KRTAP2-4: variants seen among roughly 807,000 people sequenced by gnomAD.
KRTAP2-4 encodes keratin-associated protein 2-4.
KRTAP2-4 carries 7 observed loss-of-function variants against 11.5 expected under a neutral mutation model. The ratio of observed to expected loss-of-function variants is 0.61; its 90% confidence interval spans 0.35 to 1.15. The LOEUF is 1.15. KRTAP2-4 is among the 50% of genes most tolerant of loss of function. KRTAP2-4 has a pLI of 0.03. For synonymous variants in KRTAP2-4, 49 were observed against 77.9 expected (o/e 0.63, Z 1.96); for missense variants, 93 against 183.2 (o/e 0.51, Z 2.84).
chr17:41,065,174 GAC>G lies in KRTAP2-4; in HGVS notation c.*283_*284del, dbSNP rs1277110571. The G allele has an allele frequency of 7.1e-6, 4 of 563,866 alleles. No homozygotes were observed. The highest frequency in any genetic ancestry group is 1.2e-5 in the Non-Finnish European group (4 of 330,634). 34.9% of individuals were successfully genotyped at this position (563,866 alleles called of 1,614,324 possible). On this transcript the variant is annotated 3_prime_UTR_variant, in exon 1 of 1. Coordinates refer to ENST00000394015, the MANE Select transcript of KRTAP2-4 (RefSeq NM_033184.4). ...GCAACACATTGCAAAAGATGATGGT[GAC>G]AGTTTGAGCAGTAAAAACCATCAGG...
chr17:41,065,260 A>T lies in KRTAP2-4; in HGVS notation c.*199T>A. 2.0e-6 allele frequency: 2 copies of T among 1,001,676 alleles called. No individual in the cohort carries two copies. The highest frequency in any genetic ancestry group is 2.8e-6 in the Non-Finnish European group (2 of 709,270). The allele number at this position is 1,001,676 out of a possible 1,614,324, so 62.0% of individuals were successfully genotyped here. A position where few individuals can be genotyped will look rare whatever the true frequency, so the allele number is the denominator to read the frequency against. Reference sequence around the variant, plus strand: ...ATTCTTAAAGGTCGATTTACTATCCATAATGACTAAGGCTGATGTAGACAC... The same window carrying T: ...ATTCTTAAAGGTCGATTTACTATCCTTAATGACTAAGGCTGATGTAGACAC... On this transcript the variant is annotated 3_prime_UTR_variant, in exon 1 of 1. Coordinates refer to ENST00000394015, the MANE Select transcript of KRTAP2-4 (RefSeq NM_033184.4).
In KRTAP2-4 at chr17:41,065,431, T is replaced by C. The variant is rs1597964657; in HGVS notation, c.*28A>G. 1.3e-6 allele frequency: 2 copies of C among 1,582,646 alleles called. No homozygotes were observed. The highest frequency in any genetic ancestry group is 1.7e-6 in the Non-Finnish European group (2 of 1,164,588). On this transcript the variant is annotated 3_prime_UTR_variant, in exon 1 of 1. Coordinates refer to ENST00000394015, the MANE Select transcript of KRTAP2-4 (RefSeq NM_033184.4). ...CACCAGATAGATGTTTAGGCTTCAG[T>C]GTATTGCTCTGTGGGGGCATTGGGG...
In KRTAP2-4 at chr17:41,065,851, T is replaced by A; in HGVS notation, c.-6A>T. 6.6e-7 allele frequency: 1 copy of A among 1,517,244 alleles called. No individual in the cohort carries two copies. Among genetic ancestry groups the A allele is most frequent in the Non-Finnish European group, 8.8e-7 (1 of 1,141,574 alleles). 94.0% of individuals were successfully genotyped at this position (1,517,244 alleles called of 1,614,324 possible). On this transcript the variant is annotated 5_prime_UTR_variant, in exon 1 of 1. Coordinates refer to ENST00000394015, the MANE Select transcript of KRTAP2-4 (RefSeq NM_033184.4). Reference sequence around the variant, plus strand: ...CCGCAGCAGGAGCCGGTCATGGTGGTGTCTGAGGCTGGTGTGGGTTGGGCT... The same window carrying A: ...CCGCAGCAGGAGCCGGTCATGGTGGAGTCTGAGGCTGGTGTGGGTTGGGCT...
rs1281170035 is a variant in KRTAP2-4, at chr17:41,065,279, T to C, written c.*180A>G. ...CTATCCATAATGACTAAGGCTGATG[T>C]AGACACCTGAAAATGTGGGTGAGGG... On this transcript the variant is annotated 3_prime_UTR_variant, in exon 1 of 1. Transcript: ENST00000394015. The C allele has an allele frequency of 3.5e-6, 4 of 1,139,920 alleles. No homozygotes were observed. Among genetic ancestry groups the C allele is most frequent in the South Asian group, 1.7e-5 (1 of 60,150 alleles). 70.6% of individuals were successfully genotyped at this position (1,139,920 alleles called of 1,614,324 possible). A position where few individuals can be genotyped will look rare whatever the true frequency, so the allele number is the denominator to read the frequency against.
chr17:41,065,207 G>C lies in KRTAP2-4; in HGVS notation c.*252C>G. 1 of 649,336 alleles carries C rather than the reference G, an allele frequency of 1.5e-6. No individual in the cohort carries two copies. The allele number at this position is 649,336 out of a possible 1,614,324, so 40.2% of individuals were successfully genotyped here. The stretch of plus-strand genomic sequence containing the variant: ...GAGCAGTAAAAACCATCAGGTTGTA[G>C]AATGTGTTTGCAAAGTCCACCCCAG... On this transcript the variant is annotated 3_prime_UTR_variant, in exon 1 of 1. Coordinates refer to ENST00000394015, the MANE Select transcript of KRTAP2-4 (RefSeq NM_033184.4).
rs781704404 is a variant in KRTAP2-4 at position 41,065,747 on chromosome 17, G to A, written c.99C>T (p.Pro33=). 4 of 1,517,552 alleles carry A rather than the reference G, an allele frequency of 2.6e-6. No individual in the cohort carries two copies. In the South Asian group the frequency reaches 3.7e-5, roughly 14 times the overall value. 94.0% of individuals were successfully genotyped at this position (1,517,552 alleles called of 1,614,324 possible). The change falls in exon 1 of 1, where the codon CCC becomes CCT. Residue 33 remains proline, a synonymous_variant. Coordinates refer to ENST00000394015, the MANE Select transcript of KRTAP2-4 (RefSeq NM_033184.4). ...CCCRDPCCCR[P]VTCQTTVCRP... ...GGCACACGGTGGTCTGGCAGGTCAC[G>A]GGGCGGCAGCAGCAGGGGTCGCGGC...
chr17:41,065,117 G>A lies in KRTAP2-4; in HGVS notation c.*342C>T. 1 of 401,438 alleles carries A rather than the reference G, an allele frequency of 2.5e-6. No homozygotes were observed. Among genetic ancestry groups the A allele is most frequent in the Non-Finnish European group, 4.4e-6 (1 of 225,894 alleles). The allele number at this position is 401,438 out of a possible 1,614,324, so 24.9% of individuals were successfully genotyped here. On this transcript the variant is annotated 3_prime_UTR_variant, in exon 1 of 1. Coordinates refer to ENST00000394015, the MANE Select transcript of KRTAP2-4 (RefSeq NM_033184.4). ...ATCAGGGAGCAGGGCAGTCTGCTAT[G>A]CCAGGAAAAATTAGTTTATTGACAA...
Position 41,065,417 on chromosome 17 carries a change from T to C in KRTAP2-4, c.*42A>G, listed in dbSNP as rs1435697896. ...TAACTTTTTAAAAACACCAGATAGA[T>C]GTTTAGGCTTCAGTGTATTGCTCTG... On this transcript the variant is annotated 3_prime_UTR_variant, in exon 1 of 1. Coordinates refer to ENST00000394015, the MANE Select transcript of KRTAP2-4 (RefSeq NM_033184.4). 2.6e-6 allele frequency: 4 copies of C among 1,558,884 alleles called. No homozygotes were observed. Among genetic ancestry groups the C allele is most frequent in the Non-Finnish European group, 3.5e-6 (4 of 1,150,666 alleles).
Position 41,065,305 on chromosome 17 carries a change from TG to T in KRTAP2-4, c.*153del. 7.7e-7 allele frequency: 1 copy of T among 1,291,180 alleles called. No homozygotes were observed. 80.0% of individuals were successfully genotyped at this position (1,291,180 alleles called of 1,614,324 possible). ...AGACACCTGAAAATGTGGGTGAGGG[TG>T]GTAATGGACGTCTGCTTACACCAGG... On this transcript the variant is annotated 3_prime_UTR_variant, in exon 1 of 1. Coordinates refer to ENST00000394015, the MANE Select transcript of KRTAP2-4 (RefSeq NM_033184.4).
chr17:41,065,579 G>A lies in KRTAP2-4; in HGVS notation c.267C>T (p.Cys89=). 4 of 1,457,186 alleles carry A rather than the reference G, an allele frequency of 2.7e-6. No individual in the cohort carries two copies. The highest frequency in any genetic ancestry group is 3.7e-6 in the Non-Finnish European group (4 of 1,079,210). The allele number at this position is 1,457,186 out of a possible 1,614,324, so 90.3% of individuals were successfully genotyped here. Residue 89 remains cysteine (C), a synonymous_variant, in exon 1 of 1, where the codon TGC becomes TGT. Coordinates refer to ENST00000394015, the MANE Select transcript of KRTAP2-4 (RefSeq NM_033184.4). ...CCPSSCTAVV[C]RPCCWATTCC... is the part of the protein sequence containing the mutation. Reference sequence around the variant, plus strand: ...AGGTGGTGGCCCAGCAGCAGGGCCTGCACACCACAGCCGTGCACGACGAGG... The same window carrying A: ...AGGTGGTGGCCCAGCAGCAGGGCCTACACACCACAGCCGTGCACGACGAGG...
chr17:41,065,340 A>C lies in KRTAP2-4; in HGVS notation c.*119T>G. 1 of 1,452,342 alleles carries C rather than the reference A, an allele frequency of 6.9e-7. No homozygotes were observed. The highest frequency in any genetic ancestry group is 2.5e-5 in the East Asian group (1 of 40,150). 90.0% of individuals were successfully genotyped at this position (1,452,342 alleles called of 1,614,324 possible). ...CGTCTGCTTACACCAGGCTGTATCC[A>C]GATGGTAAAAATCACTATTGTCACC... On this transcript the variant is annotated 3_prime_UTR_variant, in exon 1 of 1. Coordinates refer to ENST00000394015, the MANE Select transcript of KRTAP2-4 (RefSeq NM_033184.4).
At position 41,065,672 on chromosome 17, in the gene KRTAP2-4, G is replaced by T. The variant is rs972687242; in HGVS notation, c.174C>A (p.Cys58Ter). ...PRCTRPICEP[C>*]RRPVCCDPCS... Reference sequence around the variant, plus strand: ...AGGGGTCGCAGCACACCGGGCGGCGGCAGGGCTCGCAGATGGGGCGCGTGC... The same window carrying T: ...AGGGGTCGCAGCACACCGGGCGGCGTCAGGGCTCGCAGATGGGGCGCGTGC... Residue 58 changes from cysteine (C) to a stop codon, truncating the protein, a stop_gained, in exon 1 of 1, where the codon TGC (cysteine) becomes TGA (stop). Coordinates refer to ENST00000394015, the MANE Select transcript of KRTAP2-4 (RefSeq NM_033184.4). LOFTEE classifies it high-confidence loss of function. 82 of 1,462,516 alleles carry T rather than the reference G, an allele frequency of 5.6e-5. No homozygotes were observed. The Admixed American group carries it at 1.9e-3, about 33-fold the overall frequency. The allele number at this position is 1,462,516 out of a possible 1,614,324, so 90.6% of individuals were successfully genotyped here. A position where few individuals can be genotyped will look rare whatever the true frequency, so the allele number is the denominator to read the frequency against.
Position 41,065,547 on chromosome 17 carries a change from T to G in KRTAP2-4, c.299A>C (p.Gln100Pro). 6.5e-7 allele frequency: 1 copy of G among 1,535,146 alleles called. No homozygotes were observed. Among genetic ancestry groups the G allele is most frequent in the Non-Finnish European group, 8.7e-7 (1 of 1,143,932 alleles). ...GCAGGGGGACTGCACAGACACAGGC[T>G]GGCAGCAGGTGGTGGCCCAGCAGCA... ...RPCCWATTCC[Q>P]PVSVQSPCCR... Residue 100 changes from glutamine (Q) to proline (P), a missense_variant, in exon 1 of 1, where the codon CAG becomes CCG. Gln to Pro is a moderately conservative substitution (Grantham distance 76, BLOSUM62 -1). Transcript: ENST00000394015.
Position 41,065,311 on chromosome 17 carries a change from T to A in KRTAP2-4, c.*148A>T. On this transcript the variant is annotated 3_prime_UTR_variant, in exon 1 of 1. Transcript: ENST00000394015. ...CTGAAAATGTGGGTGAGGGTGGTAA[T>A]GGACGTCTGCTTACACCAGGCTGTA... The A allele has an allele frequency of 7.4e-7, 1 of 1,356,104 alleles. No homozygotes were observed. Among genetic ancestry groups the A allele is most frequent in the African/African-American group, 1.5e-5 (1 of 68,574 alleles). 84.0% of individuals were successfully genotyped at this position (1,356,104 alleles called of 1,614,324 possible). A position where few individuals can be genotyped will look rare whatever the true frequency, so the allele number is the denominator to read the frequency against.
At position 41,065,691 on chromosome 17, in the gene KRTAP2-4, C is replaced by T. The variant is rs1243404110; in HGVS notation, c.155G>A (p.Arg52His). Residue 52 changes from arginine to histidine, a missense_variant, in exon 1 of 1, where the codon CGC becomes CAC. Transcript: ENST00000394015. ...GCGGCGGCAGGGCTCGCAGATGGGG[C>T]GCGTGCAGCGGGGCACGCAGGTCAC... ...RPVTCVPRCT[R>H]PICEPCRRPV... 14 of 1,466,658 alleles carry T rather than the reference C, an allele frequency of 9.5e-6. No individual in the cohort carries two copies. The highest frequency in any genetic ancestry group is 2.5e-5 in the East Asian group (1 of 40,322). The allele number at this position is 1,466,658 out of a possible 1,614,324, so 90.9% of individuals were successfully genotyped here.
Position 41,065,695 on chromosome 17 carries a change from T to G in KRTAP2-4, c.151A>C (p.Thr51Pro), listed in dbSNP as rs1340897957. ...CGGCAGGGCTCGCAGATGGGGCGCG[T>G]GCAGCGGGGCACGCAGGTCACGGGG... ...CRPVTCVPRC[T>P]RPICEPCRRP... The change falls in exon 1 of 1, where the codon ACG becomes CCG. Residue 51 changes from threonine to proline, a missense_variant. Transcript: ENST00000394015. The G allele has an allele frequency of 6.8e-6, 10 of 1,474,770 alleles. No homozygotes were observed. In the African/African-American group the frequency reaches 1.4e-4, roughly 21 times the overall value. 91.4% of individuals were successfully genotyped at this position (1,474,770 alleles called of 1,614,324 possible). A position where few individuals can be genotyped will look rare whatever the true frequency, so the allele number is the denominator to read the frequency against.
Position 41,065,680 on chromosome 17 carries a change from C to G in KRTAP2-4, c.166G>C (p.Glu56Gln), listed in dbSNP as rs1314321978. The part of the protein sequence containing the change: ...CVPRCTRPIC[E>Q]PCRRPVCCDP... ...CAGCACACCGGGCGGCGGCAGGGCT[C>G]GCAGATGGGGCGCGTGCAGCGGGGC... Residue 56 changes from glutamate to glutamine, a missense_variant, in exon 1 of 1, where the codon GAG becomes CAG. Coordinates refer to ENST00000394015, the MANE Select transcript of KRTAP2-4 (RefSeq NM_033184.4). 2.0e-6 allele frequency: 3 copies of G among 1,466,068 alleles called. No homozygotes were observed. The highest frequency in any genetic ancestry group is 2.7e-6 in the Non-Finnish European group (3 of 1,109,386). 90.8% of individuals were successfully genotyped at this position (1,466,068 alleles called of 1,614,324 possible).
In KRTAP2-4 at chr17:41,065,621, G is replaced by A. The variant is rs998320984; in HGVS notation, c.225C>T (p.Arg75=). ...ACGACGAGGGGCAGCAGGTGATGGG[G>A]CGGCAGCAGCCTTCCTGCAGGGAGC... is the stretch of plus-strand genomic sequence containing the variant. The part of the protein sequence containing the change: ...DPCSLQEGCC[R]PITCCPSSCT... Residue 75 remains arginine (R), a synonymous_variant, in exon 1 of 1, where the codon CGC becomes CGT. Transcript: ENST00000394015. 1 of 1,506,136 alleles carries A rather than the reference G, an allele frequency of 6.6e-7. No individual in the cohort carries two copies. Among genetic ancestry groups the A allele is most frequent in the African/African-American group, 1.4e-5 (1 of 72,314 alleles). The allele number at this position is 1,506,136 out of a possible 1,614,324, so 93.3% of individuals were successfully genotyped here.
chr17:41,065,430 G>A lies in KRTAP2-4; in HGVS notation c.*29C>T, dbSNP rs138208354. 1.1e-3 allele frequency: 1,671 copies of A among 1,582,462 alleles called. 25 individuals are homozygous for A. The African/African-American group carries it at 0.019, about 18-fold the overall frequency. On this transcript the variant is annotated 3_prime_UTR_variant, in exon 1 of 1. Transcript: ENST00000394015. Reference sequence around the variant, plus strand: ...ACACCAGATAGATGTTTAGGCTTCAGTGTATTGCTCTGTGGGGGCATTGGG... The same window carrying A: ...ACACCAGATAGATGTTTAGGCTTCAATGTATTGCTCTGTGGGGGCATTGGG...
Sources: gnomAD v4.1 joint callset for allele counts on GRCh38, gnomAD v4.1.1 for gene constraint, MANE v1.5 for transcripts, NCBI Gene and HGNC (gene_info 2026-07-23, HGNC 2026-07-21) for gene names.